Variants in LHPP observed in about 807,000 individuals in gnomAD.
LHPP encodes hLHPP.
A neutral mutation model predicts 30.3 loss-of-function variants in LHPP; 24 were observed. The ratio of observed to expected loss-of-function variants is 0.79; its 90% CI spans 0.57 to 1.11. The LOEUF is 1.11. LHPP is among the 50% of genes most tolerant of loss of function. The probability of loss-of-function intolerance (pLI) is 0.00; values close to 1 mark genes in which losing one functional copy is unlikely to be tolerated. For synonymous variants in LHPP, 150 were observed against 157.1 expected (o/e 0.95, Z 0.34); for missense variants, 356 against 367.2 (o/e 0.97, Z 0.25).
chr10:124,595,428 C>T (rs1027014664), intron 6 of LHPP, among the ~76,000 whole-genome samples: 10 of 152,334 alleles, frequency 6.6e-5, no homozygotes, highest in East Asian at 1.9e-4. Flanking sequence ...GGCTTCTGAG[C>T]GCCAAGGTAG....
At chr10:124,560,838 C>T (rs1948384189) in intron 6 of LHPP, among the ~76,000 whole-genome samples, 1 of 152,124 alleles carries the variant, frequency 6.6e-6, no homozygotes, top group Admixed American at 6.5e-5. Flanking sequence ...CCCAAAGCCC[C>T]ACCCTGGCTG....
intron 2 of LHPP, 62 bp from the exon 3 acceptor site, chr10:124,488,342 GGTGTCCCTGGTAGGAGAT>G: frequency 7.9e-7 from 1 of 1,272,424 alleles, no homozygotes; most frequent in Non-Finnish European, 1.1e-6. Context: ...ACATGTGAAA[GGTGTCCCTGGTAGGAGAT>G]GGGGAGGTAG....
intron 6 of LHPP, chr10:124,546,011 T>TCCTC (rs903668012): frequency 2.6e-5 from 4 of 152,018 alleles, no homozygotes; most frequent in East Asian, 3.9e-4. Flanking sequence ...TGGGATGCTG[T>TCCTC]CCTCCCTCCC....
At chr10:124,463,585 A>T (rs1952467249) in intron 1 of LHPP, among the ~76,000 whole-genome samples, 1 of 151,406 alleles carries the variant, frequency 6.6e-6, no homozygotes, top group Admixed American at 6.6e-5. Flanking sequence ...CTGGTCTCGA[A>T]CTCCTGACCT....
intron 6 of LHPP, among the ~76,000 whole-genome samples, chr10:124,564,898 A>G (rs1412228301): frequency 6.6e-6 from 1 of 152,218 alleles, no homozygotes; most frequent in Non-Finnish European, 1.5e-5. Context: ...TTCTAAGTGA[A>G]GTAACTCAGG....
chr10:124,567,578 G>A (rs1437483269), intron 6 of LHPP, among the ~76,000 whole-genome samples: 2 of 152,228 alleles, frequency 1.3e-5, no homozygotes, highest in African/African-American at 4.8e-5. Context: ...TAATATCCCC[G>A]AGTAACCACA....
intron 5 of LHPP, among the ~76,000 whole-genome samples, chr10:124,506,673 G>A (rs1253423441): frequency 7.9e-6 from 1 of 127,244 alleles, no homozygotes; most frequent in Admixed American, 8.2e-5. Flanking sequence ...TTTCAGGTTG[G>A]GGGGTAGGGA....
chr10:124,514,252 G>C (rs1486513749), intron 5 of LHPP, among the ~76,000 whole-genome samples: 1 of 152,212 alleles, frequency 6.6e-6, no homozygotes, highest in African/African-American at 2.4e-5. Flanking sequence ...AGCAGAGGAG[G>C]GAGGTGAGCA....
chr10:124,489,965 G>C (rs1054757187), intron 3 of LHPP: 1 of 167,298 alleles, frequency 6.0e-6, no homozygotes, highest in Non-Finnish European at 1.2e-5. Context: ...CTCTATGGCT[G>C]TCTGTCTGTG....
Position 124,613,256 on chromosome 10 carries a change from C to T in LHPP, c.717-8C>T, listed in dbSNP as rs897826685. The T allele has an allele frequency of 3.1e-6, 5 of 1,610,630 alleles. No individual in the cohort carries two copies. The highest frequency in any genetic ancestry group is 3.3e-5 in the Admixed American group (2 of 60,018). ...GGGCACTGACTAACCTCCGGCCATC[C>T]TCTCCAGGCCCAGTGACGAGCACCA... is the stretch of plus-strand genomic sequence containing the variant. On this transcript the variant is annotated splice_polypyrimidine_tract_variant and splice_region_variant and intron_variant, in intron 6 of 6. Transcript: ENST00000368842.
At chr10:124,597,934 G>C (rs970820927) in intron 6 of LHPP, among the ~76,000 whole-genome samples, 1 of 152,144 alleles carries the variant, frequency 6.6e-6, no homozygotes, top group East Asian at 1.9e-4. Flanking sequence ...GCCCAGGCCC[G>C]TCCCTCTGCC....
chr10:124,514,946 C>G (rs1388132109), intron 5 of LHPP, among the ~76,000 whole-genome samples: 1 of 151,790 alleles, frequency 6.6e-6, no homozygotes, highest in Non-Finnish European at 1.5e-5. Context: ...GGACTACAGG[C>G]GTGCGCCACC....
intron 6 of LHPP, among the ~76,000 whole-genome samples, chr10:124,579,899 G>T (rs1346088892): frequency 6.6e-6 from 1 of 152,168 alleles, no homozygotes; most frequent in Admixed American, 6.5e-5. Flanking sequence ...CAGTAGGAAA[G>T]AATCCCATTA....
At chr10:124,612,397 T>G (rs1446137975) in intron 6 of LHPP, among the ~76,000 whole-genome samples, 1 of 151,902 alleles carries the variant, frequency 6.6e-6, no homozygotes, top group Admixed American at 6.6e-5. Context: ...AGAGTGACAC[T>G]TGGTCTCAAA....
At chr10:124,553,615 C>T (rs112229674) in intron 6 of LHPP, among the ~76,000 whole-genome samples, 5 of 152,200 alleles carry the variant, frequency 3.3e-5, no homozygotes, top group Non-Finnish European at 4.4e-5. Context: ...CCCGCCACCA[C>T]GCCTGGCTAA....
At chr10:124,612,671 GC>G (rs1298897852) in intron 6 of LHPP, among the ~76,000 whole-genome samples, 1 of 152,214 alleles carries the variant, frequency 6.6e-6, no homozygotes, top group Non-Finnish European at 1.5e-5. Context: ...AGAGGTTGCT[GC>G]CCCCAGAATC....
intron 5 of LHPP, among the ~76,000 whole-genome samples, chr10:124,508,973 C>T (rs1367493516): frequency 6.6e-6 from 1 of 152,084 alleles, no homozygotes. Context: ...ATTTTGTCCT[C>T]CAGGTCATAA....
At chr10:124,464,466 G>C (rs1177597024) in intron 1 of LHPP, among the ~76,000 whole-genome samples, 1 of 152,198 alleles carries the variant, frequency 6.6e-6, no homozygotes, top group East Asian at 1.9e-4. Context: ...CTGGGAACTG[G>C]GAACAGGGAG....
At chr10:124,579,715 C>G (rs944988547) in intron 6 of LHPP, among the ~76,000 whole-genome samples, 6 of 152,178 alleles carry the variant, frequency 3.9e-5, no homozygotes, top group Non-Finnish European at 8.8e-5. Flanking sequence ...ATATTTGGAG[C>G]CAGGAATCTT....
Sources: gnomAD v4.1 joint callset for allele counts (sites outside exome capture counted in the v4.1 genomes callset) on GRCh38, gnomAD v4.1.1 for gene constraint, MANE v1.5 for transcripts, NCBI Gene and HGNC (gene_info 2026-07-23, HGNC 2026-07-21) for gene names.